Variants in PIK3R1 observed in about 807,000 individuals in gnomAD.
PIK3R1 encodes phosphoinositide-3-kinase regulatory subunit 1, also known as phosphatidylinositol 3-kinase regulatory subunit alpha.
Under a neutral mutation model 98.0 loss-of-function variants are expected in PIK3R1, and 29 were observed. The observed-to-expected ratio is 0.30, with a 90% confidence interval of 0.22 to 0.40. The LOEUF (loss-of-function observed/expected upper bound fraction) is 0.40. Among genes scored for constraint, PIK3R1 ranks in the 10% least tolerant of loss-of-function variants. PIK3R1 has a pLI of 1.00. For synonymous variants in PIK3R1, 282 were observed against 311.8 expected (o/e 0.90, Z 1.01); for missense variants, 596 against 872.7 (o/e 0.68, Z 3.99).
At chr5:68,286,704 G>A (rs1747092179) in intron 7 of PIK3R1, among the ~76,000 whole-genome samples, 1 of 152,216 alleles carries the variant, frequency 6.6e-6, no homozygotes, top group African/African-American at 2.4e-5. Context: ...TACGTTGAGA[G>A]AGTACTGCTT....
intron 2 of PIK3R1, among the ~76,000 whole-genome samples, chr5:68,262,908 T>G (rs1415742592): frequency 1.3e-5 from 1 of 75,556 alleles, no homozygotes; most frequent in Non-Finnish European, 2.8e-5. Context: ...TATATACATG[T>G]AGATACATGT....
In PIK3R1 at chr5:68,252,289, C is replaced by T. The variant is rs372528414; in HGVS notation, c.335-21101C>T. On this transcript the variant is annotated intron_variant, in intron 2 of 15. Coordinates refer to ENST00000521381, the MANE Select transcript of PIK3R1 (RefSeq NM_181523.3). ...TACCTACATGTGTCTTTCATTACTC[C>T]GCTGCCTTAGGAGATGCTGTTTAAG... Among the ~76,000 whole-genome samples, 531 of 151,976 alleles carry T rather than the reference C, an allele frequency of 3.5e-3. 2 individuals are homozygous for T. Among genetic ancestry groups the T allele is most frequent in the Middle Eastern group, 0.017 (5 of 294 alleles).
In PIK3R1 at chr5:68,226,590, C is replaced by T; in HGVS notation, c.-86C>T. ...CACATAATAGGAATTCTAACACATT[C>T]TCTGAATTCACTTTTCATAAAAACG... On this transcript the variant is annotated 5_prime_UTR_variant, in exon 2 of 16. Coordinates refer to ENST00000521381, the MANE Select transcript of PIK3R1 (RefSeq NM_181523.3). 2 of 1,068,726 alleles carry T rather than the reference C, an allele frequency of 1.9e-6. No homozygotes were observed. Among genetic ancestry groups the T allele is most frequent in the Non-Finnish European group, 2.8e-6 (2 of 717,788 alleles). 66.2% of individuals were successfully genotyped at this position (1,068,726 alleles called of 1,614,324 possible).
intron 2 of PIK3R1, among the ~76,000 whole-genome samples, chr5:68,236,555 C>A (rs894120467): frequency 3.9e-5 from 6 of 152,136 alleles, no homozygotes; most frequent in Non-Finnish European, 8.8e-5. Flanking sequence ...GGCCCTATAA[C>A]CGTTTTTGAG....
At chr5:68,274,503 T>C (rs1277058094) in intron 4 of PIK3R1, among the ~76,000 whole-genome samples, 1 of 152,234 alleles carries the variant, frequency 6.6e-6, no homozygotes, top group Non-Finnish European at 1.5e-5. Context: ...TTTCTTTTTT[T>C]GTGTTGAGTG....
chr5:68,244,330 C>G (rs1744983204), intron 2 of PIK3R1, among the ~76,000 whole-genome samples: 1 of 152,132 alleles, frequency 6.6e-6, no homozygotes, highest in African/African-American at 2.4e-5. Context: ...TTGAAAGTCT[C>G]TTGACTAAAT....
At chr5:68,274,579 A>G (rs1746497124) in intron 4 of PIK3R1, among the ~76,000 whole-genome samples, 1 of 152,198 alleles carries the variant, frequency 6.6e-6, no homozygotes, top group Admixed American at 6.5e-5. Flanking sequence ...TCTAGGAAGA[A>G]AAAGGCCCTG....
chr5:68,220,792 G>T (rs1287033839), intron 1 of PIK3R1, among the ~76,000 whole-genome samples: 1 of 152,136 alleles, frequency 6.6e-6, no homozygotes, highest in Non-Finnish European at 1.5e-5. Context: ...ATTATTTGGG[G>T]TTAATCTCAG....
chr5:68,295,025 G>T, intron 12 of PIK3R1, 123 bp from the exon 13 acceptor site: 1 of 545,494 alleles, frequency 1.8e-6, no homozygotes, highest in Non-Finnish European at 2.9e-6. Flanking sequence ...AAAAATGACA[G>T]GAAGAGAAGC....
intron 2 of PIK3R1, among the ~76,000 whole-genome samples, chr5:68,270,394 A>G (rs992096599): frequency 5.9e-5 from 9 of 152,204 alleles, no homozygotes; most frequent in African/African-American, 1.9e-4. Flanking sequence ...TATTTCAATC[A>G]CAATTAGATG....
chr5:68,290,631 G>T, intron 7 of PIK3R1: 1 of 1,443,160 alleles, frequency 6.9e-7, no homozygotes, highest in Non-Finnish European at 9.1e-7. Flanking sequence ...TTTCAGTGCA[G>T]CCCCTTATAG....
chr5:68,258,614 C>A (rs542251747), intron 2 of PIK3R1, among the ~76,000 whole-genome samples: 1 of 152,242 alleles, frequency 6.6e-6, no homozygotes, highest in Non-Finnish European at 1.5e-5. Context: ...CCATACCAGT[C>A]TTTCCCTGAT....
intron 2 of PIK3R1, among the ~76,000 whole-genome samples, chr5:68,260,798 A>G (rs116339088): frequency 0.014 from 2,193 of 152,282 alleles, 27 homozygotes; most frequent in Middle Eastern, 0.017. Context: ...TAGAAGCCAA[A>G]TTACGTTCTC....
intron 4 of PIK3R1, among the ~76,000 whole-genome samples, chr5:68,276,378 AG>A (rs1746572028): frequency 6.6e-6 from 1 of 152,204 alleles, no homozygotes; most frequent in Non-Finnish European, 1.5e-5. Flanking sequence ...CTCATGGCAG[AG>A]GGCAGGATCC....
chr5:68,291,967 A>C, intron 7 of PIK3R1: 1 of 235,840 alleles, frequency 4.2e-6, no homozygotes, highest in African/African-American at 2.3e-5. Flanking sequence ...GAAGTACAGA[A>C]TGTCATGACT....
chr5:68,293,935 G>A (rs183691728), intron 11 of PIK3R1, 101 bp downstream of exon 11: 1 of 886,372 alleles, frequency 1.1e-6, no homozygotes, highest in Non-Finnish European at 1.7e-6. Context: ...TACGAATGAG[G>A]TGGGGGTGAG....
At chr5:68,253,957 A>G (rs559143769) in intron 2 of PIK3R1, among the ~76,000 whole-genome samples, 2 of 148,410 alleles carry the variant, frequency 1.3e-5, no homozygotes, top group African/African-American at 5.0e-5. Context: ...AATAAATGTC[A>G]TGTTTTTTAT....
At chr5:68,244,923 C>G (rs1745024582) in intron 2 of PIK3R1, among the ~76,000 whole-genome samples, 1 of 152,144 alleles carries the variant, frequency 6.6e-6, no homozygotes, top group Non-Finnish European at 1.5e-5. Flanking sequence ...ATCAACCTCT[C>G]TGCATCCCCT....
intron 2 of PIK3R1, among the ~76,000 whole-genome samples, chr5:68,250,421 A>T (rs1745259758): frequency 6.6e-6 from 1 of 152,186 alleles, no homozygotes; most frequent in African/African-American, 2.4e-5. Flanking sequence ...TCAGTGATGA[A>T]AGTCAGGCGT....
Sources: allele counts gnomAD v4.1 joint callset (sites outside exome capture counted in the v4.1 genomes callset), GRCh38; gene constraint gnomAD v4.1.1; transcripts MANE v1.5; gene names NCBI Gene and HGNC (gene_info 2026-07-23, HGNC 2026-07-21).